The following HECW1 variants were observed in gnomAD, a reference collection of about 807,000 sequenced individuals.
HECW1 encodes the protein HECT, C2 and WW domain containing E3 ubiquitin protein ligase 1.
Under a neutral mutation model 182.3 loss-of-function variants are expected in HECW1, and 61 were observed. The observed-to-expected ratio is 0.33, with a 90% confidence interval of 0.27 to 0.41. The LOEUF is 0.41. Ranked by LOEUF, HECW1 falls within the 10% of genes least tolerant of loss-of-function variation. The pLI is 1.00. For missense variants in HECW1, 1,739 were observed against 2,108.9 expected (o/e 0.82, Z 3.44); for synonymous variants, 859 against 832.6 (o/e 1.03, Z -0.55).
At chr7:43,343,574 T>C (rs960359937) in intron 5 of HECW1, among the ~76,000 whole-genome samples, 1 of 151,792 alleles carries the variant, frequency 6.6e-6, no homozygotes, top group African/African-American at 2.4e-5. Flanking sequence ...GCTTCATCCA[T>C]GTCCCTGCAA....
In HECW1 at chr7:43,417,541, A is replaced by ATT. The variant is rs1371447068; in HGVS notation, c.801+9810_801+9811insTT. 3.5e-3 allele frequency among the ~76,000 whole-genome samples: 531 copies of ATT among 152,118 alleles called. 2 individuals carry two copies. The highest frequency in any genetic ancestry group is 0.012 in the African/African-American group (502 of 41,502). On this transcript the variant is annotated intron_variant, in intron 8 of 29. Transcript: ENST00000395891. ...TCACTGGATATAGAATTCTGGGTTA[A>ATT]CTGGTATGTTTCCCCTCAGCACTTG...
At chr7:43,398,432 C>T (rs981243009) in intron 7 of HECW1, among the ~76,000 whole-genome samples, 3 of 152,188 alleles carry the variant, frequency 2.0e-5, no homozygotes, top group Non-Finnish European at 4.4e-5. Context: ...TGGAAAACTA[C>T]TACCTTAGCT....
chr7:43,399,461 A>G (rs192201746), intron 7 of HECW1, among the ~76,000 whole-genome samples: 1 of 152,370 alleles, frequency 6.6e-6, no homozygotes, highest in African/African-American at 2.4e-5. Flanking sequence ...AGTAGAAACC[A>G]GGAATACTGC....
chr7:43,222,441 G>T (rs1562695687), intron 2 of HECW1, among the ~76,000 whole-genome samples: 1 of 152,144 alleles, frequency 6.6e-6, no homozygotes, highest in Non-Finnish European at 1.5e-5. Flanking sequence ...TGCATTTGGG[G>T]CCTTTCTAAT....
In HECW1 at chr7:43,311,972, C is replaced by T; in HGVS notation, c.237C>T (p.Ser79=). ...DTDLVTSDSR[S]TLMVSSSYYS... The stretch of plus-strand genomic sequence containing the variant: ...ACCTGGTCACCTCGGACAGCCGCTC[C>T]ACGCTCATGGTCAGCAGCTCCTACT... Residue 79 remains serine (S), a synonymous_variant, in exon 4 of 30, where the codon TCC becomes TCT. Transcript: ENST00000395891. The T allele has an allele frequency of 1.2e-6, 2 of 1,614,266 alleles. No individual in the cohort carries two copies. The highest frequency in any genetic ancestry group is 2.2e-5 in the East Asian group (1 of 44,884).
intron 4 of HECW1, 57 bp from the exon 5 acceptor site, chr7:43,320,577 TA>T: frequency 8.3e-7 from 1 of 1,202,544 alleles, no homozygotes; most frequent in Non-Finnish European, 1.2e-6. Context: ...TTTATTCCCC[TA>T]AATATGCTGT....
intron 8 of HECW1, among the ~76,000 whole-genome samples, chr7:43,415,741 T>G (rs1341787740): frequency 7.0e-6 from 1 of 143,642 alleles, no homozygotes; most frequent in Non-Finnish European, 1.5e-5. Context: ...TTTATTCTTT[T>G]TTCTCTAAAC....
At chr7:43,166,735 G>A (rs1201864234) in intron 2 of HECW1, among the ~76,000 whole-genome samples, 2 of 152,204 alleles carry the variant, frequency 1.3e-5, no homozygotes, top group East Asian at 3.8e-4. Flanking sequence ...AAGACACTGA[G>A]GTGAATGCTG....
At chr7:43,557,148 G>A (rs900766752) in intron 29 of HECW1, among the ~76,000 whole-genome samples, 21 of 152,192 alleles carry the variant, frequency 1.4e-4, no homozygotes, top group African/African-American at 4.1e-4. Flanking sequence ...AGAAACTGTC[G>A]TTCGGGAAGA....
chr7:43,502,512 A>G (rs2079406496), intron 21 of HECW1, among the ~76,000 whole-genome samples: 1 of 152,112 alleles, frequency 6.6e-6, no homozygotes, highest in South Asian at 2.1e-4. Context: ...ATTTTTTTTA[A>G]TTAGCCAGGT....
In HECW1 at chr7:43,282,439, A is replaced by G. The variant is rs1362844893; in HGVS notation, c.28-29324A>G. On this transcript the variant is annotated intron_variant, in intron 3 of 29. Transcript: ENST00000395891. ...TTCTGTAAAGTCGTTTCCAGCCCCT[A>G]TGGGCATGTTTCTTGCCTAGTGTTC... Among the ~76,000 whole-genome samples the G allele has an allele frequency of 7.2e-5, 11 of 152,340 alleles. No homozygotes were observed. In the East Asian group the frequency reaches 1.5e-3, roughly 21 times the overall value.
chr7:43,552,459 G>T, intron 28 of HECW1, 123 bp downstream of exon 28: 1 of 687,152 alleles, frequency 1.5e-6, no homozygotes, highest in Non-Finnish European at 2.7e-6. Context: ...CAAGTCAGTG[G>T]CATTTAGTAC....
At chr7:43,355,600 T>C (rs1815024060) in intron 5 of HECW1, among the ~76,000 whole-genome samples, 1 of 151,738 alleles carries the variant, frequency 6.6e-6, no homozygotes, top group Admixed American at 6.6e-5. Flanking sequence ...CTATAATAGA[T>C]TCACTAAAAA....
chr7:43,470,624 T>C (rs2077980897), intron 16 of HECW1, among the ~76,000 whole-genome samples: 1 of 152,218 alleles, frequency 6.6e-6, no homozygotes, highest in Non-Finnish European at 1.5e-5. Context: ...ACAAGACCTC[T>C]TCCCCCTAAT....
In HECW1 at chr7:43,449,301, G is replaced by A. The variant is rs190289052; in HGVS notation, c.2399-1527G>A. Among the ~76,000 whole-genome samples the A allele has an allele frequency of 6.7e-3, 1,015 of 152,254 alleles. 17 individuals are homozygous for A. The highest frequency in any genetic ancestry group is 5.2e-3 in the Non-Finnish European group (354 of 68,024). On this transcript the variant is annotated intron_variant, in intron 11 of 29. Transcript: ENST00000395891. ...ACAGCAGTCTGTCCACAATGAACTG[G>A]GTGCCGGCATGAGGGGAACCTTCCT...
chr7:43,197,436 C>T (rs1367907440), intron 2 of HECW1, among the ~76,000 whole-genome samples: 4 of 152,166 alleles, frequency 2.6e-5, no homozygotes, highest in Non-Finnish European at 5.9e-5. Context: ...TTGATTAGCC[C>T]CCTGCAAAGC....
At chr7:43,307,917 TAC>T (rs1192289864) in intron 3 of HECW1, among the ~76,000 whole-genome samples, 17 of 123,876 alleles carry the variant, frequency 1.4e-4, no homozygotes, top group East Asian at 1.3e-3. Flanking sequence ...TATATATATA[TAC>T]ACACACACAT....
At chr7:43,508,916 C>A in intron 23 of HECW1, 53 bp from the exon 24 acceptor site, 1 of 1,588,348 alleles carries the variant, frequency 6.3e-7, no homozygotes, top group Admixed American at 1.7e-5. Flanking sequence ...GCAAACAGGT[C>A]CCCCCACCTC....
rs183344086 is a variant in HECW1 at position 43,452,328 on chromosome 7, G to A, written c.2500+1399G>A. ...CGAATCTGTGCAGTACAGATGACTA[G>A]TTATACATGCAAATATTATAAATGA... On this transcript the variant is annotated intron_variant, in intron 12 of 29. Transcript: ENST00000395891. Among the ~76,000 whole-genome samples, 8 of 152,270 alleles carry A rather than the reference G, an allele frequency of 5.3e-5. No homozygotes were observed. In the East Asian group the frequency reaches 1.5e-3, roughly 29 times the overall value.
Sources: allele counts gnomAD v4.1 joint callset (sites outside exome capture counted in the v4.1 genomes callset), GRCh38; gene constraint gnomAD v4.1.1; transcripts MANE v1.5; gene names NCBI Gene and HGNC (gene_info 2026-07-23, HGNC 2026-07-21).